PPP1R1C: variants seen among roughly 807,000 people sequenced by gnomAD.
The protein encoded by PPP1R1C is protein phosphatase 1 regulatory subunit 1C.
Under a neutral mutation model 17.4 loss-of-function variants are expected in PPP1R1C, and 15 were observed. The observed-to-expected ratio is 0.86, with a 90% CI of 0.58 to 1.33. The LOEUF (loss-of-function observed/expected upper bound fraction) is 1.33, where lower values mean the gene tolerates loss of function less well. Ranked by LOEUF, PPP1R1C falls within the 40% of genes most tolerant of loss-of-function variation. The pLI is 0.00. For missense variants in PPP1R1C, 143 were observed against 130.0 expected, an observed-to-expected ratio of 1.10 and a Z score of -0.48; for synonymous variants, 35 against 43.1, an observed-to-expected ratio of 0.81 and a Z score of 0.73.
At chr2:181,959,646 A>G (rs1257758190) in intron 1 of PPP1R1C, among the ~76,000 whole-genome samples, 2 of 152,190 alleles carry the variant, frequency 1.3e-5, no homozygotes, top group Admixed American at 1.3e-4. Context: ...TTTTAGTGTC[A>G]GCTGAAAAAA....
chr2:182,099,614 T>C (rs1296644810), intron 4 of PPP1R1C, among the ~76,000 whole-genome samples: 1 of 152,256 alleles, frequency 6.6e-6, no homozygotes, highest in Admixed American at 6.5e-5. Context: ...TGGTTACTTA[T>C]ATTTTCAAAG....
At chr2:181,986,685 A>G (rs564095012) in intron 1 of PPP1R1C, among the ~76,000 whole-genome samples, 4 of 152,294 alleles carry the variant, frequency 2.6e-5, no homozygotes, top group Admixed American at 1.3e-4. Context: ...TTTATATAAT[A>G]TATTACAGCT....
intron 2 of PPP1R1C, among the ~76,000 whole-genome samples, chr2:181,991,508 GA>G (rs1282215912): frequency 6.6e-6 from 1 of 152,276 alleles, no homozygotes; most frequent in South Asian, 2.1e-4. Flanking sequence ...ATGAGTCAGG[GA>G]AAGTTTAGTA....
chr2:182,052,415 T>C (rs1687551629), intron 2 of PPP1R1C, among the ~76,000 whole-genome samples: 1 of 152,220 alleles, frequency 6.6e-6, no homozygotes, highest in Non-Finnish European at 1.5e-5. Context: ...TATCAGCTAA[T>C]AGTTATTTTT....
In PPP1R1C at chr2:182,076,976, T is replaced by G. The variant is rs189967891; in HGVS notation, c.241+13185T>G. 5.8e-4 allele frequency among the ~76,000 whole-genome samples: 89 copies of G among 152,328 alleles called. 1 individual carries two copies. The East Asian group carries it at 0.016, about 28-fold the overall frequency. On this transcript the variant is annotated intron_variant, in intron 4 of 4. Coordinates refer to ENST00000682840, the MANE Select transcript of PPP1R1C (RefSeq NM_001080545.3). ...ATGGAATTAGTTTTTCTTTGGGCCT[T>G]TCTTAGAAGATGGTAGGCAGTGTCA... is the stretch of plus-strand genomic sequence containing the variant.
intron 2 of PPP1R1C, among the ~76,000 whole-genome samples, chr2:182,035,321 T>C (rs1686971233): frequency 1.3e-5 from 2 of 152,240 alleles, no homozygotes; most frequent in Non-Finnish European, 2.9e-5. Flanking sequence ...TTTCACAATA[T>C]TTCATCAGCT....
chr2:181,976,770 C>G lies in PPP1R1C; in HGVS notation n.157+1506C>G, dbSNP rs915054944. ...TAAAAAGCTCCACTCCACTCTTGCT[C>G]TTGCTCTCTACTGTAAGGTCCCATG... On this transcript the variant is annotated intron_variant and non_coding_transcript_variant, in intron 2 of 5. Coordinates refer to the PPP1R1C transcript ENST00000464264. The surrounding 1 kb of genome is among the most constrained non-coding windows in gnomAD (Gnocchi z 4.8). 6.6e-6 allele frequency among the ~76,000 whole-genome samples: 1 copy of G among 152,146 alleles called. No individual in the cohort carries two copies. The highest frequency in any genetic ancestry group is 1.5e-5 in the Non-Finnish European group (1 of 68,022).
At position 182,064,099 on chromosome 2, in the gene PPP1R1C, C is replaced by A. The variant is rs16822490; in HGVS notation, c.241+308C>A. The A allele has an allele frequency of 2.1e-4, 66 of 314,484 alleles. No homozygotes were observed. The East Asian group carries it at 3.2e-3, about 15-fold the overall frequency. 19.5% of individuals were successfully genotyped at this position (314,484 alleles called of 1,614,324 possible). A position where few individuals can be genotyped will look rare whatever the true frequency, so the allele number is the denominator to read the frequency against. ...TTCCTTAAAGAGATTTTCCCAGAAGCCCTAATTACTCTTGCCAGTGTTGGC... is the reference window on the plus strand; with the variant it reads ...TTCCTTAAAGAGATTTTCCCAGAAGACCTAATTACTCTTGCCAGTGTTGGC... On this transcript the variant is annotated intron_variant, in intron 4 of 4. Coordinates refer to ENST00000682840, the MANE Select transcript of PPP1R1C (RefSeq NM_001080545.3).
chr2:182,110,946 T>C (rs1016730051), intron 4 of PPP1R1C, among the ~76,000 whole-genome samples: 1 of 152,064 alleles, frequency 6.6e-6, no homozygotes, highest in Admixed American at 6.6e-5. Flanking sequence ...GGCACATGAC[T>C]GTGGAGGGCA....
chr2:182,031,396 A>T (rs1686833059), intron 2 of PPP1R1C, among the ~76,000 whole-genome samples: 1 of 152,244 alleles, frequency 6.6e-6, no homozygotes, highest in South Asian at 2.1e-4. Context: ...TTTTATGTGA[A>T]GAAAAAAGTC....
chr2:182,057,322 G>T (rs1411728640), intron 2 of PPP1R1C, among the ~76,000 whole-genome samples: 1 of 152,142 alleles, frequency 6.6e-6, no homozygotes, highest in Non-Finnish European at 1.5e-5. Context: ...TGTGGGTGTT[G>T]GTTGGGGAAG....
At chr2:182,006,995 T>C (rs1685942778) in intron 2 of PPP1R1C, among the ~76,000 whole-genome samples, 1 of 152,208 alleles carries the variant, frequency 6.6e-6, no homozygotes, top group Non-Finnish European at 1.5e-5. Context: ...AAAAATTGCT[T>C]ATTGGTTTTT....
At chr2:181,974,806 C>A (rs1685067802) in intron 1 of PPP1R1C, among the ~76,000 whole-genome samples, 1 of 152,210 alleles carries the variant, frequency 6.6e-6, no homozygotes, top group African/African-American at 2.4e-5. Flanking sequence ...GCAGCAGTAG[C>A]TGCCTGGAAC....
chr2:182,023,803 T>G (rs1442426446), intron 2 of PPP1R1C: 1 of 152,048 alleles, frequency 6.6e-6, no homozygotes, highest in Non-Finnish European at 1.5e-5. Context: ...AATTTATTGT[T>G]TTTAATTTTT....
intron 2 of PPP1R1C, among the ~76,000 whole-genome samples, chr2:182,037,848 T>C (rs924385941): frequency 6.6e-6 from 1 of 152,122 alleles, no homozygotes; most frequent in African/African-American, 2.4e-5. Flanking sequence ...AGCAAATCAC[T>C]TCCTCACAAC....
downstream of PPP1R1C, chr2:182,130,724 C>G (rs1218169777): frequency 6.6e-6 from 1 of 152,164 alleles, no homozygotes; most frequent in East Asian, 1.9e-4. Context: ...ATGTTGCTCT[C>G]TTCTTTTACC....
chr2:182,102,502 A>G (rs1328801364), intron 4 of PPP1R1C, among the ~76,000 whole-genome samples: 1 of 152,238 alleles, frequency 6.6e-6, no homozygotes, highest in Non-Finnish European at 1.5e-5. Context: ...GGAAGAAATA[A>G]AAGAATAAAT....
intron 1 of PPP1R1C, 70 bp from the exon 2 acceptor site, chr2:181,987,769 G>A (rs765060404): frequency 2.0e-6 from 3 of 1,498,030 alleles, no homozygotes; most frequent in Non-Finnish European, 2.8e-6. Flanking sequence ...AGACAGCTTT[G>A]CAAGCTGCAG....
chr2:182,011,871 C>G (rs960185717), intron 2 of PPP1R1C, among the ~76,000 whole-genome samples: 3 of 151,894 alleles, frequency 2.0e-5, no homozygotes, highest in African/African-American at 7.2e-5. Context: ...CTTCATTGAC[C>G]CATTGGTCAT....
Sources: gnomAD v4.1 joint callset for allele counts (sites outside exome capture counted in the v4.1 genomes callset) on GRCh38, gnomAD v4.1.1 for gene constraint, Gnocchi (gnomAD v3.1) non-coding constraint, MANE v1.5 for transcripts, NCBI Gene and HGNC (gene_info 2026-07-23, HGNC 2026-07-21) for gene names.